Variants in GULP1 observed in about 807,000 individuals in gnomAD.
GULP1 encodes the protein PTB domain-containing engulfment adapter protein 1.
Under a neutral mutation model 40.9 loss-of-function variants are expected in GULP1, and 19 were observed. The ratio of observed to expected loss-of-function variants is 0.46; its 90% CI spans 0.32 to 0.68. The LOEUF (loss-of-function observed/expected upper bound fraction) is 0.68, where lower values mean the gene tolerates loss of function less well. Ranked by LOEUF, GULP1 falls within the 30% of genes least tolerant of loss-of-function variation. GULP1 has a pLI of 0.03. For missense variants in GULP1, 312 were observed against 362.2 expected, an observed-to-expected ratio of 0.86 and a Z score of 1.12; for synonymous variants, 119 against 117.6, an observed-to-expected ratio of 1.01 and a Z score of -0.08.
intron 2 of GULP1, among the ~76,000 whole-genome samples, chr2:188,427,742 C>T (rs952602270): frequency 3.9e-5 from 6 of 152,200 alleles, no homozygotes; most frequent in African/African-American, 9.6e-5. Flanking sequence ...AAGCCTCCTG[C>T]ACTGGTGGAA....
intron 2 of GULP1, among the ~76,000 whole-genome samples, chr2:188,435,572 A>C (rs569571237): frequency 6.6e-5 from 10 of 151,914 alleles, no homozygotes; most frequent in Admixed American, 2.6e-4. Flanking sequence ...TTATTACTTC[A>C]CATTTTTTGT....
At chr2:188,313,560 T>C (rs2038547021) in intron 1 of GULP1, among the ~76,000 whole-genome samples, 1 of 152,184 alleles carries the variant, frequency 6.6e-6, no homozygotes, top group African/African-American at 2.4e-5. Flanking sequence ...TGCCTTCAGC[T>C]GTGCTCCTTT....
chr2:188,409,804 A>G (rs1164894264), intron 2 of GULP1, among the ~76,000 whole-genome samples: 1 of 152,190 alleles, frequency 6.6e-6, no homozygotes, highest in Non-Finnish European at 1.5e-5. Flanking sequence ...TGATTATTCA[A>G]CATATACGCA....
intron 6 of GULP1, among the ~76,000 whole-genome samples, chr2:188,530,901 C>T (rs948019352): frequency 3.3e-5 from 5 of 152,150 alleles, no homozygotes; most frequent in African/African-American, 1.2e-4. Context: ...TACGTATCGT[C>T]AAAGTGTTCT....
rs150872466 is a variant in GULP1, at chr2:188,313,766, T to G, written c.-172+21600T>G. Reference sequence around the variant, plus strand: ...CATGAGGATGGAATGTTTTGCCTTTTGTTTGCATCCTCTTTTATTTCTCTT... The same window carrying G: ...CATGAGGATGGAATGTTTTGCCTTTGGTTTGCATCCTCTTTTATTTCTCTT... On this transcript the variant is annotated intron_variant, in intron 1 of 11. Coordinates refer to ENST00000409830, the MANE Select transcript of GULP1 (RefSeq NM_016315.4). Among the ~76,000 whole-genome samples, 351 of 152,330 alleles carry G rather than the reference T, an allele frequency of 2.3e-3. 1 individual carries two copies. The highest frequency in any genetic ancestry group is 8.0e-3 in the African/African-American group (331 of 41,582).
At chr2:188,432,186 A>T (rs531764457) in intron 2 of GULP1, among the ~76,000 whole-genome samples, 8 of 151,848 alleles carry the variant, frequency 5.3e-5, no homozygotes, top group African/African-American at 1.7e-4. Flanking sequence ...TGTATTTTTT[A>T]AAATTGGAAA....
At chr2:188,427,210 A>G (rs1308505238) in intron 2 of GULP1, among the ~76,000 whole-genome samples, 1 of 152,186 alleles carries the variant, frequency 6.6e-6, no homozygotes, top group Non-Finnish European at 1.5e-5. Flanking sequence ...ACTGGAACTT[A>G]TATTTAAAAG....
intron 9 of GULP1, chr2:188,582,706 ATTG>A (rs892602821): frequency 5.7e-6 from 2 of 349,202 alleles, no homozygotes; most frequent in East Asian, 7.6e-5. Context: ...TTTGTGTGCC[ATTG>A]TTGTTTTCTT....
intron 7 of GULP1, among the ~76,000 whole-genome samples, chr2:188,556,082 G>GAA (rs1049669553): frequency 3.4e-5 from 5 of 148,744 alleles, no homozygotes; most frequent in Non-Finnish European, 5.9e-5. Context: ...AAAAGAAAAA[G>GAA]AAAAAAAAAG....
intron 9 of GULP1, among the ~76,000 whole-genome samples, chr2:188,576,879 C>T (rs1428126870): frequency 6.6e-6 from 1 of 152,058 alleles, no homozygotes; most frequent in East Asian, 1.9e-4. Flanking sequence ...TTTCTGGGAA[C>T]AATCTGATTT....
At chr2:188,354,524 C>A (rs1249766747) in intron 1 of GULP1, among the ~76,000 whole-genome samples, 1 of 152,116 alleles carries the variant, frequency 6.6e-6, no homozygotes, top group African/African-American at 2.4e-5. Context: ...GACCCATATG[C>A]CACAGTAGGT....
chr2:188,504,283 C>T (rs1409242653), intron 4 of GULP1, among the ~76,000 whole-genome samples: 1 of 151,862 alleles, frequency 6.6e-6, no homozygotes, highest in African/African-American at 2.4e-5. Context: ...GAAAACATGA[C>T]TGTAGAAATT....
At chr2:188,577,083 A>T (rs897193590) in intron 9 of GULP1, among the ~76,000 whole-genome samples, 1 of 152,128 alleles carries the variant, frequency 6.6e-6, no homozygotes. Context: ...TCTTCTGACT[A>T]TAGAAGGTTT....
chr2:188,486,547 G>A (rs2061877948), intron 4 of GULP1, among the ~76,000 whole-genome samples: 2 of 151,850 alleles, frequency 1.3e-5, no homozygotes, highest in African/African-American at 2.4e-5. Flanking sequence ...AATGTCTTCA[G>A]TTTTAAAGCA....
intron 2 of GULP1, among the ~76,000 whole-genome samples, chr2:188,473,040 G>A (rs2060717252): frequency 6.6e-6 from 1 of 152,210 alleles, no homozygotes; most frequent in South Asian, 2.1e-4. Flanking sequence ...GACTCATAGA[G>A]ATACTGCCCT....
At chr2:188,558,351 A>G (rs1695363684) in intron 7 of GULP1, among the ~76,000 whole-genome samples, 1 of 152,142 alleles carries the variant, frequency 6.6e-6, no homozygotes, top group East Asian at 1.9e-4. Flanking sequence ...CCGCTTTTGC[A>G]TCTTTCTCAT....
At chr2:188,314,248 T>G (rs1257580325) in intron 1 of GULP1, among the ~76,000 whole-genome samples, 1 of 152,180 alleles carries the variant, frequency 6.6e-6, no homozygotes, top group Non-Finnish European at 1.5e-5. Flanking sequence ...CACAAAAGTT[T>G]CCTAACAAAA....
chr2:188,485,563 A>G (rs771660941), intron 4 of GULP1, among the ~76,000 whole-genome samples: 5 of 151,926 alleles, frequency 3.3e-5, no homozygotes, highest in Non-Finnish European at 7.4e-5. Context: ...AGAATATGCC[A>G]CTTGAAAACC....
intron 11 of GULP1, 135 bp downstream of exon 11, chr2:188,588,084 AAAT>A: frequency 4.3e-6 from 3 of 698,892 alleles, no homozygotes; most frequent in Non-Finnish European, 7.9e-6. Flanking sequence ...AATTACTTTA[AAAT>A]AATAATGTAC....
Sources: gnomAD v4.1 joint callset for allele counts (sites outside exome capture counted in the v4.1 genomes callset) on GRCh38, gnomAD v4.1.1 for gene constraint, MANE v1.5 for transcripts, NCBI Gene and HGNC (gene_info 2026-07-23, HGNC 2026-07-21) for gene names.